BCL6B: variants seen among roughly 807,000 people sequenced by gnomAD.
The protein encoded by BCL6B is BCL6B transcription repressor, also known as B-cell CLL/lymphoma 6 member B protein.
BCL6B carries 28 observed loss-of-function variants against 44.6 expected under a neutral mutation model. The ratio of observed to expected loss-of-function variants is 0.63; its 90% CI spans 0.47 to 0.86. The LOEUF is 0.86. Among genes scored for constraint, BCL6B ranks in the 40% least tolerant of loss-of-function variants. The probability of loss-of-function intolerance (pLI) is 0.00; values close to 1 mark genes in which losing one functional copy is unlikely to be tolerated. For missense variants in BCL6B, 626 were observed against 652.3 expected, an observed-to-expected ratio of 0.96 and a Z score of 0.44; for synonymous variants, 268 against 263.6, an observed-to-expected ratio of 1.02 and a Z score of -0.16.
chr17:7,025,338 C>G (rs1910255846), intron 5 of BCL6B, 138 bp downstream of exon 5: 1 of 1,229,134 alleles, frequency 8.1e-7, no homozygotes, highest in African/African-American at 1.5e-5. Context: ...CTTTTAAACT[C>G]CCACTGCCCA....
rs1910347122 is a variant in BCL6B, at chr17:7,027,969, GC to G, written c.*352del. 9.4e-7 allele frequency: 1 copy of G among 1,060,736 alleles called. No individual in the cohort carries two copies. The highest frequency in any genetic ancestry group is 1.1e-6 in the Non-Finnish European group (1 of 876,778). 65.7% of individuals were successfully genotyped at this position (1,060,736 alleles called of 1,614,324 possible). A position where few individuals can be genotyped will look rare whatever the true frequency, so the allele number is the denominator to read the frequency against. ...TTATCTGTAAATATAATTTATTGAG[GC>G]CTTTGGGTGGCACCGGGGCCTTCAT... is the stretch of plus-strand genomic sequence containing the variant. On this transcript the variant is annotated 3_prime_UTR_variant, in exon 9 of 9. Coordinates refer to ENST00000293805, the MANE Select transcript of BCL6B (RefSeq NM_181844.4).
intron 5 of BCL6B, among the ~76,000 whole-genome samples, 191 bp downstream of exon 5, chr17:7,025,391 C>T (rs1219967301): frequency 6.6e-6 from 1 of 152,220 alleles, no homozygotes; most frequent in Non-Finnish European, 1.5e-5. Context: ...TGGGACGAGT[C>T]ATCAGTATTT....
In BCL6B at chr17:7,024,455, C is replaced by T. The variant is rs1259171320; in HGVS notation, c.456C>T (p.Pro152=). Residue 152 remains proline, a synonymous_variant, in exon 4 of 9, where the codon CCC becomes CCT. Transcript: ENST00000293805. The surrounding 1 kb of genome is among the most constrained non-coding windows in gnomAD (Gnocchi z 6.6). ...LRPLEAEPPT[P]PTAPPPGSPR... ...CCCTGGAAGCAGAACCCCCAACACC[C>T]CCAACGGCCCCTCCACCAGGTAGTC... is the stretch of plus-strand genomic sequence containing the variant. The T allele has an allele frequency of 1.9e-6, 3 of 1,613,868 alleles. No individual in the cohort carries two copies. The highest frequency in any genetic ancestry group is 2.5e-6 in the Non-Finnish European group (3 of 1,179,980).
At chr17:7,027,353 C>T (rs2151664597) in intron 8 of BCL6B, 150 bp from the exon 9 acceptor site, 1 of 1,008,530 alleles carries the variant, frequency 9.9e-7, no homozygotes, top group Non-Finnish European at 1.5e-6. Context: ...ATCCCCTCAG[C>T]CACCCCTGAG....
intron 8 of BCL6B, 33 bp from the exon 9 acceptor site, chr17:7,027,470 G>A: frequency 1.2e-6 from 2 of 1,611,504 alleles, no homozygotes; most frequent in Non-Finnish European, 1.7e-6. Flanking sequence ...GATTGTGGAT[G>A]GGGCAGGGCC....
At chr17:7,026,424 A>C in intron 5 of BCL6B, 33 bp from the exon 6 acceptor site, 1 of 1,610,012 alleles carries the variant, frequency 6.2e-7, no homozygotes, top group Non-Finnish European at 8.5e-7. Context: ...CTCATTAATA[A>C]CTATGGTTGC....
In BCL6B at chr17:7,028,934, A is replaced by G. The variant is rs1910380929; in HGVS notation, c.*1315A>G. 2.0e-6 allele frequency: 2 copies of G among 985,270 alleles called. No homozygotes were observed. The highest frequency in any genetic ancestry group is 1.7e-5 in the African/African-American group (1 of 57,206). 61.0% of individuals were successfully genotyped at this position (985,270 alleles called of 1,614,324 possible). ...AGATGCCAGAACCTTCTTTTCCTCT[A>G]GAAGGGATGGTGCTTGGTAACCTTA... is the stretch of plus-strand genomic sequence containing the variant. On this transcript the variant is annotated 3_prime_UTR_variant, in exon 9 of 9. Transcript: ENST00000293805.
rs771191948 is a variant in BCL6B, at chr17:7,023,779, C to A, written c.108C>A (p.Ile36=). Residue 36 remains isoleucine, a synonymous_variant, in exon 2 of 9, where the codon ATC becomes ATA. Transcript: ENST00000293805. The stretch of plus-strand genomic sequence containing the variant: ...TCAACGAGCTGCGCCTGCGCGGGAT[C>A]CTCACTGACGTCACGCTGCTGGTTG... ...GNLNELRLRG[I]LTDVTLLVGG... 1.9e-6 allele frequency: 3 copies of A among 1,613,242 alleles called. No homozygotes were observed. Among genetic ancestry groups the A allele is most frequent in the Non-Finnish European group, 2.5e-6 (3 of 1,180,014 alleles).
In BCL6B at chr17:7,024,671, A is replaced by G. The variant is rs752544544; in HGVS notation, c.672A>G (p.Gln224=). Residue 224 remains glutamine, a synonymous_variant, in exon 4 of 9, where the codon CAA becomes CAG. Transcript: ENST00000293805. The surrounding 1 kb of genome is among the most constrained non-coding windows in gnomAD (Gnocchi z 6.6). ...GAAGTTCTGGTCAACCTTGCCCCCAAGCCAGGCTCCCCAGTGGAGACGAGG... is the reference window on the plus strand; with the variant it reads ...GAAGTTCTGGTCAACCTTGCCCCCAGGCCAGGCTCCCCAGTGGAGACGAGG... ...GERSSGQPCP[Q]ARLPSGDEAS... 5 of 1,613,130 alleles carry G rather than the reference A, an allele frequency of 3.1e-6. No homozygotes were observed. The highest frequency in any genetic ancestry group is 1.7e-5 in the Admixed American group (1 of 59,918).
rs918182354 is a variant in BCL6B, at chr17:7,028,824, G to C, written c.*1205G>C. 6.1e-6 allele frequency: 6 copies of C among 985,422 alleles called. No homozygotes were observed. The highest frequency in any genetic ancestry group is 5.2e-4 in the Middle Eastern group (1 of 1,914). The allele number at this position is 985,422 out of a possible 1,614,324, so 61.0% of individuals were successfully genotyped here. The stretch of plus-strand genomic sequence containing the variant: ...CCATCCTTTACTACAGAGGCATATG[G>C]GTTTGAATGTTACCTGGGGTTCTCT... On this transcript the variant is annotated 3_prime_UTR_variant, in exon 9 of 9. Coordinates refer to ENST00000293805, the MANE Select transcript of BCL6B (RefSeq NM_181844.4).
At position 7,024,700 on chromosome 17, in the gene BCL6B, C is replaced by CCAGCAGCAGCAGCAG. The variant is rs55799550; in HGVS notation, c.717_731dup (p.Ser240_Ser244dup). 9.6e-6 allele frequency: 14 copies of CCAGCAGCAGCAGCAG among 1,458,672 alleles called. No homozygotes were observed. The highest frequency in any genetic ancestry group is 3.5e-5 in the Admixed American group (2 of 57,386). The allele number at this position is 1,458,672 out of a possible 1,614,324, so 90.4% of individuals were successfully genotyped here. Reference sequence around the variant, plus strand: ...AGGCTCCCCAGTGGAGACGAGGCCTCCAGCAGCAGCAGCAGCAGCAGCAGC... The same window carrying CCAGCAGCAGCAGCAG: ...AGGCTCCCCAGTGGAGACGAGGCCTCCAGCAGCAGCAGCAGCAGCAGCAGCAGCAGCAGCAGCAGC... On this transcript the variant is annotated inframe_insertion, in exon 4 of 9. Transcript: ENST00000293805. This position sits in a 1 kb window ranked among gnomAD's most constrained non-coding sequence, Gnocchi z 6.6.
rs543702022 is a variant in BCL6B, at chr17:7,027,985, G to T, written c.*366G>T. Reference sequence around the variant, plus strand: ...TTTATTGAGGCCTTTGGGTGGCACCGGGGCCTTCATTCGATTGCATTTCCC... The same window carrying T: ...TTTATTGAGGCCTTTGGGTGGCACCTGGGCCTTCATTCGATTGCATTTCCC... On this transcript the variant is annotated 3_prime_UTR_variant, in exon 9 of 9. Transcript: ENST00000293805. 9.6e-6 allele frequency: 10 copies of T among 1,037,770 alleles called. No homozygotes were observed. Among genetic ancestry groups the T allele is most frequent in the Non-Finnish European group, 1.2e-5 (10 of 862,718 alleles). 64.3% of individuals were successfully genotyped at this position (1,037,770 alleles called of 1,614,324 possible). A position where few individuals can be genotyped will look rare whatever the true frequency, so the allele number is the denominator to read the frequency against.
chr17:7,023,696 G>C lies in BCL6B; in HGVS notation c.25G>C (p.Gly9Arg), dbSNP rs1438077564. The C allele has an allele frequency of 6.2e-7, 1 of 1,612,984 alleles. No homozygotes were observed. Among genetic ancestry groups the C allele is most frequent in the Middle Eastern group, 1.7e-4 (1 of 6,056 alleles). ...TATGGGTTCCCCCGCCGCCCCGGAG[G>C]GAGCGCTGGGCTACGTCCGCGAGTT... MGSPAAPE[G>R]ALGYVREFTR... Residue 9 changes from glycine to arginine, a missense_variant, in exon 2 of 9, where the codon GGA becomes CGA. Coordinates refer to ENST00000293805, the MANE Select transcript of BCL6B (RefSeq NM_181844.4).
chr17:7,026,788 G>A lies in BCL6B; in HGVS notation c.1138G>A (p.Gly380Arg), dbSNP rs1910303817. The A allele has an allele frequency of 6.2e-7, 1 of 1,614,144 alleles. No homozygotes were observed. The highest frequency in any genetic ancestry group is 8.5e-7 in the Non-Finnish European group (1 of 1,180,044). The change falls in exon 7 of 9, where the codon GGA (glycine) becomes AGA (arginine). Residue 380 changes from glycine to arginine, a missense_variant. Gly to Arg is a moderately radical substitution (Grantham distance 125). Transcript: ENST00000293805. Reference sequence around the variant, plus strand: ...GAAAACGCACAGCCGCATCCATTCGGGAGAGAAGCCGTATAAGTGTGAGAC... The same window carrying A: ...GAAAACGCACAGCCGCATCCATTCGAGAGAGAAGCCGTATAAGTGTGAGAC... ...NLKTHSRIHS[G>R]EKPYKCETCG...
At chr17:7,027,405 G>A in intron 8 of BCL6B, 98 bp from the exon 9 acceptor site, 1 of 1,377,422 alleles carries the variant, frequency 7.3e-7, no homozygotes, top group Non-Finnish European at 1.0e-6. Context: ...ATCTTCCGCT[G>A]GATAGTTCCC....
chr17:7,026,728 A>G lies in BCL6B; in HGVS notation c.1078A>G (p.Ile360Val), dbSNP rs779034172. 19 of 1,614,202 alleles carry G rather than the reference A, an allele frequency of 1.2e-5. No homozygotes were observed. Among genetic ancestry groups the G allele is most frequent in the Non-Finnish European group, 1.6e-5 (19 of 1,180,046 alleles). Reference sequence around the variant, plus strand: ...AGGGGAAAAGCCTTACCACTGCTCAATCTGCGGAGCCCGTTTTAACCGGCC... The same window carrying G: ...AGGGGAAAAGCCTTACCACTGCTCAGTCTGCGGAGCCCGTTTTAACCGGCC... ...HTGEKPYHCS[I>V]CGARFNRPAN... The change falls in exon 7 of 9, where the codon ATC becomes GTC. Residue 360 changes from isoleucine to valine, a missense_variant. Transcript: ENST00000293805.
At position 7,024,516 on chromosome 17, in the gene BCL6B, G is replaced by A; in HGVS notation, c.517G>A (p.Glu173Lys). Reference sequence around the variant, plus strand: ...CGAAGGACACCCAGACCCACCTACTGAATCTCGAAGCTGCAGTCAAGGCCC... The same window carrying A: ...CGAAGGACACCCAGACCCACCTACTAAATCTCGAAGCTGCAGTCAAGGCCC... ...RSEGHPDPPT[E>K]SRSCSQGPPS... The change falls in exon 4 of 9, where the codon GAA becomes AAA. Residue 173 changes from glutamate (E) to lysine (K), a missense_variant. Physicochemically the swap from Glu to Lys is moderately conservative, Grantham distance 56 (BLOSUM62 1). Transcript: ENST00000293805. The surrounding 1 kb of genome is among the most constrained non-coding windows in gnomAD (Gnocchi z 6.6). 1 of 1,613,340 alleles carries A rather than the reference G, an allele frequency of 6.2e-7. No individual in the cohort carries two copies. Among genetic ancestry groups the A allele is most frequent in the Non-Finnish European group, 8.5e-7 (1 of 1,179,948 alleles).
Position 7,028,341 on chromosome 17 carries a change from T to C in BCL6B, c.*722T>C, listed in dbSNP as rs1910358213. The C allele has an allele frequency of 2.3e-6, 2 of 871,662 alleles. No homozygotes were observed. Among genetic ancestry groups the C allele is most frequent in the Non-Finnish European group, 2.6e-6 (2 of 778,448 alleles). The allele number at this position is 871,662 out of a possible 1,614,324, so 54.0% of individuals were successfully genotyped here. ...GGTATTCTGGATGTTGTAGGTTCTC[T>C]AGCAGTCTAGAAATGGATACAGACA... is the stretch of plus-strand genomic sequence containing the variant. On this transcript the variant is annotated 3_prime_UTR_variant, in exon 9 of 9. Coordinates refer to ENST00000293805, the MANE Select transcript of BCL6B (RefSeq NM_181844.4).
In BCL6B at chr17:7,027,638, C is replaced by A; in HGVS notation, c.*19C>A. The A allele has an allele frequency of 6.2e-7, 1 of 1,612,342 alleles. No individual in the cohort carries two copies. The highest frequency in any genetic ancestry group is 8.5e-7 in the Non-Finnish European group (1 of 1,179,904). On this transcript the variant is annotated 3_prime_UTR_variant, in exon 9 of 9. Transcript: ENST00000293805. The stretch of plus-strand genomic sequence containing the variant: ...GCCCTAGCTGAGCGCAGGCCCAGGC[C>A]CCACTTGCTTCCTGCGGGTGGGAAA...
Sources: allele counts gnomAD v4.1 joint callset (sites outside exome capture counted in the v4.1 genomes callset), GRCh38; gene constraint gnomAD v4.1.1; non-coding constraint Gnocchi (gnomAD v3.1); transcripts MANE v1.5; gene names NCBI Gene and HGNC (gene_info 2026-07-23, HGNC 2026-07-21).